Variants in ACOX3 observed in about 807,000 individuals in gnomAD.
ACOX3 encodes peroxisomal acyl-coenzyme A oxidase 3.
Under a neutral mutation model 81.5 loss-of-function variants are expected in ACOX3, and 73 were observed. That is an observed-to-expected ratio of 0.90 (90% CI 0.74 to 1.09). ACOX3 has a LOEUF of 1.09. Ranked by LOEUF, ACOX3 falls within the 50% of genes least tolerant of loss-of-function variation. ACOX3 has a pLI of 0.00. For missense variants in ACOX3, 947 were observed against 928.0 expected, an observed-to-expected ratio of 1.02 and a Z score of -0.27; for synonymous variants, 387 against 375.1, an observed-to-expected ratio of 1.03 and a Z score of -0.37.
At chr4:8,404,261 G>A (rs909548604) in intron 7 of ACOX3, among the ~76,000 whole-genome samples, 7 of 152,204 alleles carry the variant, frequency 4.6e-5, no homozygotes, top group African/African-American at 1.2e-4. Flanking sequence ...GGCACCCTGC[G>A]AAAGTAGTCA....
chr4:8,411,034 AGCTGGGCCGCTGGG>A (rs1721662938), intron 5 of ACOX3, among the ~76,000 whole-genome samples: 1 of 152,210 alleles, frequency 6.6e-6, no homozygotes, highest in Non-Finnish European at 1.5e-5. Flanking sequence ...AACAGGCAGG[AGCTGGGCCGCTGGG>A]GCTGGGCCTG....
At chr4:8,383,897 C>T (rs1003523181) in intron 13 of ACOX3, among the ~76,000 whole-genome samples, 5 of 152,310 alleles carry the variant, frequency 3.3e-5, no homozygotes, top group East Asian at 1.9e-4. Flanking sequence ...GTGCTTCCCA[C>T]GACTTATTTA....
At chr4:8,425,918 C>G (rs546694357) in intron 1 of ACOX3, among the ~76,000 whole-genome samples, 6 of 152,124 alleles carry the variant, frequency 3.9e-5, no homozygotes, top group African/African-American at 1.2e-4. Flanking sequence ...CGCCTGGAGG[C>G]CACAATCCTC....
chr4:8,369,347 C>T (rs1715865479), intron 17 of ACOX3, among the ~76,000 whole-genome samples: 1 of 152,150 alleles, frequency 6.6e-6, no homozygotes, highest in Admixed American at 6.5e-5. Flanking sequence ...CCCCAGGACC[C>T]AAGGCTCCCG....
At chr4:8,374,798 G>A (rs1009747370) in intron 15 of ACOX3, 180 bp downstream of exon 15, 9 of 627,496 alleles carry the variant, frequency 1.4e-5, no homozygotes, top group Non-Finnish European at 1.4e-5. Context: ...CCACCCTGAC[G>A]CTGCTCTGCC....
downstream of ACOX3, among the ~76,000 whole-genome samples, chr4:8,365,680 G>A (rs996750451): frequency 5.3e-5 from 8 of 152,194 alleles, no homozygotes; most frequent in Non-Finnish European, 1.0e-4. Flanking sequence ...CTGGCAGGCG[G>A]TAGGTGATCA....
rs965941692 is a variant in ACOX3, at chr4:8,386,483, G to A, written c.1537+2690C>T. The stretch of plus-strand genomic sequence containing the variant: ...CCGGAGGCTGAGGCAGGAGAATGGC[G>A]AGAACCTGGGAGGTGGAGCTTGCAG... On this transcript the variant is annotated intron_variant, in intron 13 of 17. Coordinates refer to ENST00000356406, the MANE Select transcript of ACOX3 (RefSeq NM_003501.3). The surrounding 1 kb of genome is among the most constrained non-coding windows in gnomAD (Gnocchi z 5.2). Among the ~76,000 whole-genome samples, 10 of 150,942 alleles carry A rather than the reference G, an allele frequency of 6.6e-5. No homozygotes were observed. The East Asian group carries it at 7.9e-4, about 12-fold the overall frequency.
intron 14 of ACOX3, among the ~76,000 whole-genome samples, chr4:8,379,139 A>T (rs945543968): frequency 6.6e-6 from 1 of 152,248 alleles, no homozygotes; most frequent in African/African-American, 2.4e-5. Flanking sequence ...CGTCTTTTGC[A>T]ATGCAGAAAT....
In ACOX3 at chr4:8,389,726, A is replaced by T. The variant is rs776969752; in HGVS notation, c.1309T>A (p.Leu437Met). The change falls in exon 12 of 18, where the codon TTG (leucine) becomes ATG (methionine). Residue 437 changes from leucine to methionine, a missense_variant. Transcript: ENST00000356406. This position sits in a 1 kb window ranked among gnomAD's most constrained non-coding sequence, Gnocchi z 5.3. ...GGHGYLAMNR[L>M]GVLRDDNDPN... ...TCGTTGTCATCTCTAAGGACACCCA[A>T]CCGGTTCACTGCAACAAAGCCACAA... 2.5e-6 allele frequency: 4 copies of T among 1,613,766 alleles called. No homozygotes were observed. The highest frequency in any genetic ancestry group is 8.5e-7 in the Non-Finnish European group (1 of 1,179,924).
In ACOX3 at chr4:8,416,433, A is replaced by G. The variant is rs752283666; in HGVS notation, c.89T>C (p.Phe30Ser). Residue 30 changes from phenylalanine (F) to serine (S), a missense_variant, in exon 2 of 18, where the codon TTC becomes TCC. Phe to Ser is a radical substitution (Grantham distance 155). Transcript: ENST00000356406. The surrounding 1 kb of genome is among the most constrained non-coding windows in gnomAD (Gnocchi z 4.2). ...PLDAYRARAS[F>S]SWKELALFTE... The stretch of plus-strand genomic sequence containing the variant: ...GAACAGCGCCAGCTCCTTCCAGCTG[A>G]AGGACGCTCTTGCTCGGTAGGCATC... 1.9e-6 allele frequency: 3 copies of G among 1,614,184 alleles called. No individual in the cohort carries two copies. In the South Asian group the frequency reaches 3.3e-5, roughly 18 times the overall value.
chr4:8,411,594 GCAGGTGTGCACTGCAACACCGGCC>G (rs1191365589), intron 5 of ACOX3, among the ~76,000 whole-genome samples: 3 of 152,214 alleles, frequency 2.0e-5, no homozygotes, highest in Admixed American at 1.3e-4. Context: ...TCTCCGCAGT[GCAGGTGTGCACTGCAACACCGGCC>G]CAAGCCGGCT....
chr4:8,401,189 G>A (rs1720329308), intron 7 of ACOX3, among the ~76,000 whole-genome samples: 1 of 152,114 alleles, frequency 6.6e-6, no homozygotes. Context: ...TATAAACACA[G>A]AGGAAGCTTT....
chr4:8,369,132 C>T (rs374476299), intron 17 of ACOX3, among the ~76,000 whole-genome samples: 91 of 152,280 alleles, frequency 6.0e-4, no homozygotes, highest in African/African-American at 2.2e-3. Flanking sequence ...CCTGCCTCTG[C>T]AGAGCAAGGC....
At chr4:8,367,188 C>A in intron 17 of ACOX3, 108 bp from the exon 18 acceptor site, 1 of 1,449,420 alleles carries the variant, frequency 6.9e-7, no homozygotes, top group Non-Finnish European at 9.3e-7. Context: ...GTTAAAAACA[C>A]AGGAAATTCG....
rs373327706 is a variant in ACOX3, at chr4:8,422,433, A to T, written c.-14-5898T>A. Among the ~76,000 whole-genome samples, 16 of 152,356 alleles carry T rather than the reference A, an allele frequency of 1.1e-4. No individual in the cohort carries two copies. In the East Asian group the frequency reaches 2.9e-3, roughly 28 times the overall value. On this transcript the variant is annotated intron_variant, in intron 1 of 17. Coordinates refer to ENST00000356406, the MANE Select transcript of ACOX3 (RefSeq NM_003501.3). ...ATTAGGAAAAAAACTTCAAAAGTCC[A>T]CCTTAGGCCCAGAGCAAAACATAGA... is the stretch of plus-strand genomic sequence containing the variant.
rs372449383 is a variant in ACOX3, at chr4:8,408,390, T to C, written c.687+1822A>G. On this transcript the variant is annotated intron_variant, in intron 6 of 17. Transcript: ENST00000356406. ...CAAGACCACTGTTTCCATCCCTCCT[T>C]ATCAGGCAGGAGGCCGTGGCTCTGG... is the stretch of plus-strand genomic sequence containing the variant. Among the ~76,000 whole-genome samples the C allele has an allele frequency of 8.5e-5, 13 of 152,260 alleles. No homozygotes were observed. In the East Asian group the frequency reaches 1.5e-3, roughly 18 times the overall value.
chr4:8,402,505 C>T (rs10017177), intron 7 of ACOX3, among the ~76,000 whole-genome samples: 32,980 of 152,134 alleles, frequency 0.22, 4,164 homozygotes, highest in African/African-American at 0.35. Context: ...TCACAGTCAG[C>T]GCCCTTTTTA....
intron 8 of ACOX3, among the ~76,000 whole-genome samples, chr4:8,397,928 A>G (rs1719907229): frequency 6.6e-6 from 1 of 152,262 alleles, no homozygotes; most frequent in Admixed American, 6.5e-5. Flanking sequence ...TGGGAGGCTG[A>G]GGTGGGCAGA....
rs1220023020 is a variant in ACOX3 at position 8,407,393 on chromosome 4, C to T, written c.688-1350G>A. 2.0e-5 allele frequency among the ~76,000 whole-genome samples: 3 copies of T among 152,140 alleles called. No homozygotes were observed. Among genetic ancestry groups the T allele is most frequent in the South Asian group, 2.1e-4 (1 of 4,828 alleles). ...TTGCCTCGGCACCTGGGTGGCTTGC[C>T]GCCCACATGGGGCCACAGGCCTGGG... On this transcript the variant is annotated intron_variant, in intron 6 of 17. Transcript: ENST00000356406. This position sits in a 1 kb window ranked among gnomAD's most constrained non-coding sequence, Gnocchi z 4.6.
Sources: allele counts gnomAD v4.1 joint callset (sites outside exome capture counted in the v4.1 genomes callset), GRCh38; gene constraint gnomAD v4.1.1; non-coding constraint Gnocchi (gnomAD v3.1); transcripts MANE v1.5; gene names NCBI Gene and HGNC (gene_info 2026-07-23, HGNC 2026-07-21).